MADD: variants seen among roughly 807,000 people sequenced by gnomAD.
MADD encodes the protein MAP kinase activating death domain, also known as MAP kinase-activating death domain protein.
A neutral mutation model predicts 176.7 loss-of-function variants in MADD; 109 were observed. The observed-to-expected ratio is 0.62, with a 90% CI of 0.53 to 0.72. The LOEUF is 0.72. Ranked by LOEUF, MADD falls within the 30% of genes least tolerant of loss-of-function variation. The probability of loss-of-function intolerance (pLI) is 0.00; values close to 1 mark genes in which losing one functional copy is unlikely to be tolerated. For missense variants in MADD, 1,914 were observed against 2,045.5 expected (o/e 0.94, Z 1.24); for synonymous variants, 771 against 771.3 (o/e 1.00, Z 0.01).
At chr11:47,306,828 G>A (rs1215919511) in intron 22 of MADD, among the ~76,000 whole-genome samples, 1 of 152,048 alleles carries the variant, frequency 6.6e-6, no homozygotes, top group East Asian at 1.9e-4. Flanking sequence ...GGGCTGCTCG[G>A]CCATCTTGCT....
intron 19 of MADD, 105 bp from the exon 21 acceptor site, chr11:47,292,438 G>T (rs1437852046): frequency 1.0e-6 from 1 of 967,558 alleles, no homozygotes; most frequent in Non-Finnish European, 1.7e-6. Context: ...TGGTAATCCA[G>T]TGCCTGAGAC....
intron 20 of MADD, among the ~76,000 whole-genome samples, chr11:47,294,360 A>T (rs534835950): frequency 0.013 from 1,511 of 119,652 alleles, 27 homozygotes; most frequent in African/African-American, 0.038. Context: ...AAAAAAAAAA[A>T]AAATAAAAAT....
intron 27 of MADD, among the ~76,000 whole-genome samples, chr11:47,319,549 C>T (rs1260977274): frequency 6.6e-6 from 1 of 152,204 alleles, no homozygotes; most frequent in Non-Finnish European, 1.5e-5. Context: ...GTTTTACTCA[C>T]TGCCTTTCAA....
chr11:47,271,495 T>A (rs1963590236), intron 1 of MADD, among the ~76,000 whole-genome samples: 1 of 151,898 alleles, frequency 6.6e-6, no homozygotes, highest in Non-Finnish European at 1.5e-5. Flanking sequence ...GTGACTTGAG[T>A]TTCGTCAGAT....
intron 7 of MADD, among the ~76,000 whole-genome samples, chr11:47,279,379 G>GTT (rs1391317362): frequency 7.6e-6 from 1 of 132,006 alleles, no homozygotes; most frequent in Non-Finnish European, 1.6e-5. Context: ...CATTTTCTCA[G>GTT]TCTTTTTTTT....
At chr11:47,328,609 GCT>G (rs762959554) in intron 31 of MADD, 47 bp from the exon 36 acceptor site, 2 of 1,613,460 alleles carry the variant, frequency 1.2e-6, no homozygotes, top group Non-Finnish European at 1.7e-6. Flanking sequence ...TGGCACGATT[GCT>G]CTTAGTGTTG....
chr11:47,324,254 CT>C lies in MADD; in HGVS notation c.4363-10del, dbSNP rs778273683. 3 of 1,613,476 alleles carry C rather than the reference CT, an allele frequency of 1.9e-6. No homozygotes were observed. The highest frequency in any genetic ancestry group is 1.6e-4 in the Middle Eastern group (1 of 6,082). ...CCCTCATGATGGGACCACTCTCCCC[CT>C]GTGCCACAGTGTCGGGAGCTGTACT... On this transcript the variant is annotated splice_polypyrimidine_tract_variant and intron_variant, in intron 28 of 32. Coordinates refer to ENST00000402192, the Ensembl canonical transcript of MADD.
chr11:47,282,677 G>A, intron 9 of MADD, 61 bp downstream of exon 9: 1 of 1,594,890 alleles, frequency 6.3e-7, no homozygotes, highest in Non-Finnish European at 8.6e-7. Context: ...GATGGACTTT[G>A]ATTTTTCCTT....
chr11:47,273,884 C>G, exon 2 of MADD: 1 of 1,602,124 alleles, frequency 6.2e-7, no homozygotes, highest in East Asian at 2.2e-5. Flanking sequence ...TGCCCTGATG[C>G]TTCTCTGAGA....
chr11:47,284,329 C>T (rs754236296), intron 11 of MADD, 46 bp from the exon 12 acceptor site: 7 of 1,613,266 alleles, frequency 4.3e-6, no homozygotes, highest in Non-Finnish European at 5.9e-6. Context: ...GGGTTGGGGG[C>T]CCAAGGATGG....
At chr11:47,299,584 GC>G (rs1565442828) in intron 22 of MADD, among the ~76,000 whole-genome samples, 50 of 65,212 alleles carry the variant, frequency 7.7e-4, no homozygotes, top group South Asian at 1.0e-3. Context: ...AGATTTTAGG[GC>G]TTTTTTTTTT....
At chr11:47,299,845 G>C (rs1032603166) in intron 22 of MADD, among the ~76,000 whole-genome samples, 1 of 152,108 alleles carries the variant, frequency 6.6e-6, no homozygotes, top group African/African-American at 2.4e-5. Flanking sequence ...TTTAGGGACA[G>C]TTTGACTTCC....
intron 26 of MADD, among the ~76,000 whole-genome samples, chr11:47,312,710 C>T (rs1370073362): frequency 6.6e-6 from 1 of 152,152 alleles, no homozygotes; most frequent in African/African-American, 2.4e-5. Flanking sequence ...TCTGGGATTA[C>T]GGGTGTGAAC....
intron 31 of MADD, 168 bp downstream of exon 35, chr11:47,326,975 G>A: frequency 1.4e-6 from 2 of 1,394,058 alleles, no homozygotes; most frequent in African/African-American, 1.4e-5. Flanking sequence ...GAGCCGGGAT[G>A]TGGAAGGGAA....
Position 47,304,326 on chromosome 11 carries a change from G to T in MADD, c.3643-4265G>T, listed in dbSNP as rs544975934. ...GCTCACCGCAACCTCTGACTCGTGG[G>T]TTAAAGCAATTCTCCTGCCTCAGCC... is the stretch of plus-strand genomic sequence containing the variant. On this transcript the variant is annotated intron_variant, in intron 22 of 32. Transcript: ENST00000402192. Among the ~76,000 whole-genome samples, 4 of 151,658 alleles carry T rather than the reference G, an allele frequency of 2.6e-5. No homozygotes were observed. The South Asian group carries it at 6.3e-4, about 24-fold the overall frequency.
chr11:47,324,989 C>T (rs945638215), intron 30 of MADD: 43 of 562,310 alleles, frequency 7.6e-5, no homozygotes, highest in African/African-American at 6.0e-4. Flanking sequence ...TTCTGGTGTG[C>T]GTGCAGCTTG....
chr11:47,322,529 G>C (rs558433557), intron 27 of MADD, among the ~76,000 whole-genome samples: 2 of 151,958 alleles, frequency 1.3e-5, no homozygotes, highest in Non-Finnish European at 2.9e-5. Flanking sequence ...GGAGAATGGC[G>C]TGAACCTGGG....
intron 12 of MADD, 152 bp downstream of exon 12, chr11:47,284,717 C>T (rs1443148208): frequency 1.6e-6 from 2 of 1,242,432 alleles, no homozygotes; most frequent in African/African-American, 3.0e-5. Flanking sequence ...GCCTAAGAGA[C>T]CTACTTTTGA....
chr11:47,292,762 C>T (rs887805903), intron 19 of MADD, among the ~76,000 whole-genome samples, 166 bp downstream of exon 21: 5 of 151,968 alleles, frequency 3.3e-5, no homozygotes, highest in African/African-American at 7.3e-5. Context: ...GTGTGTAGGC[C>T]GCTTCTTTCC....
Sources: allele counts gnomAD v4.1 joint callset (sites outside exome capture counted in the v4.1 genomes callset), GRCh38; gene constraint gnomAD v4.1.1; transcripts MANE v1.5; gene names NCBI Gene and HGNC (gene_info 2026-07-23, HGNC 2026-07-21).